PRKN: variants seen among roughly 807,000 people sequenced by gnomAD.
The protein encoded by PRKN is E3 ubiquitin-protein ligase parkin.
Under a neutral mutation model 59.5 loss-of-function variants are expected in PRKN, and 56 were observed. The ratio of observed to expected loss-of-function variants is 0.94; its 90% confidence interval spans 0.76 to 1.18. PRKN has a LOEUF of 1.18. Among genes scored for constraint, PRKN ranks in the 50% most tolerant of loss-of-function variants. The pLI, the probability that PRKN is intolerant of heterozygous loss-of-function variation, is 0.00. For missense variants in PRKN, 657 were observed against 596.4 expected (o/e 1.10, Z -1.06); for synonymous variants, 250 against 222.1 (o/e 1.13, Z -1.12).
intron 1 of PRKN, among the ~76,000 whole-genome samples, chr6:162,452,323 T>G (rs1454223793): frequency 6.6e-6 from 1 of 152,092 alleles, no homozygotes; most frequent in Non-Finnish European, 1.5e-5. Context: ...AAAAGCATCA[T>G]AAGTGCTAAA....
chr6:161,659,543 C>T (rs1440375621), intron 7 of PRKN, among the ~76,000 whole-genome samples: 1 of 152,012 alleles, frequency 6.6e-6, no homozygotes, highest in Non-Finnish European at 1.5e-5. Flanking sequence ...GCAGATAAGG[C>T]CAGGGGCTAT....
At chr6:161,963,524 G>T (rs187423965) in intron 6 of PRKN, among the ~76,000 whole-genome samples, 1 of 152,190 alleles carries the variant, frequency 6.6e-6, no homozygotes, top group Non-Finnish European at 1.5e-5. Context: ...CTATGCTTTC[G>T]TAAGTAACTG....
intron 7 of PRKN, among the ~76,000 whole-genome samples, chr6:161,670,676 C>T (rs1166355697): frequency 2.6e-5 from 4 of 152,236 alleles, no homozygotes; most frequent in South Asian, 2.1e-4. Flanking sequence ...ATTAGCCGGG[C>T]GTGGTGGCGG....
chr6:162,274,180 A>ATTTATTTATTT (rs1562631892), intron 2 of PRKN, among the ~76,000 whole-genome samples: 1 of 151,226 alleles, frequency 6.6e-6, no homozygotes, highest in African/African-American at 2.4e-5. Flanking sequence ...TTAATTTATT[A>ATTTATTTATTT]ATGTATTTAT....
intron 7 of PRKN, among the ~76,000 whole-genome samples, chr6:161,726,405 T>A (rs1787442013): frequency 6.6e-6 from 1 of 152,190 alleles, no homozygotes; most frequent in African/African-American, 2.4e-5. Context: ...GTAACCTATG[T>A]CGTGAAAGCA....
chr6:162,399,532 C>T (rs1018897334), intron 2 of PRKN, among the ~76,000 whole-genome samples: 11 of 152,244 alleles, frequency 7.2e-5, no homozygotes, highest in Admixed American at 7.2e-4. Context: ...TTGAATAACA[C>T]ATACACACAC....
intron 1 of PRKN, among the ~76,000 whole-genome samples, chr6:162,501,519 T>TA: frequency 6.6e-6 from 1 of 151,168 alleles, no homozygotes; most frequent in African/African-American, 2.4e-5. Context: ...GGTTAATTTT[T>TA]TTTTTTTTTT....
At chr6:162,138,934 A>G (rs2128310221) in intron 4 of PRKN, among the ~76,000 whole-genome samples, 1 of 152,294 alleles carries the variant, frequency 6.6e-6, no homozygotes, top group South Asian at 2.1e-4. Context: ...CTGCCCATCC[A>G]AGCAAGGAAA....
chr6:161,564,866 G>A (rs534965526), intron 8 of PRKN, among the ~76,000 whole-genome samples: 1 of 152,272 alleles, frequency 6.6e-6, no homozygotes, highest in South Asian at 2.1e-4. Flanking sequence ...TCCTCCATCT[G>A]AAATCAGACA....
At chr6:161,437,509 G>A (rs1019169599) in intron 9 of PRKN, among the ~76,000 whole-genome samples, 2 of 152,184 alleles carry the variant, frequency 1.3e-5, no homozygotes, top group Non-Finnish European at 2.9e-5. Context: ...GATAAGCGGG[G>A]ACTCCTGTAT....
intron 1 of PRKN, among the ~76,000 whole-genome samples, chr6:162,688,660 G>A (rs1450538438): frequency 6.6e-6 from 1 of 152,102 alleles, no homozygotes; most frequent in Non-Finnish European, 1.5e-5. Flanking sequence ...ACATTTCAAC[G>A]TGGCTACAAC....
At chr6:161,765,615 A>G (rs1372292490) in intron 7 of PRKN, among the ~76,000 whole-genome samples, 4 of 152,136 alleles carry the variant, frequency 2.6e-5, no homozygotes, top group African/African-American at 2.4e-5. Context: ...ACAACACCCA[A>G]TTCTTGAAAC....
chr6:161,946,414 A>ACACACACACACACACTCT lies in PRKN; in HGVS notation c.734+26887_734+26888insAGAGTGTGTGTGTGTGTG, dbSNP rs1247187053. On this transcript the variant is annotated intron_variant, in intron 6 of 11. Transcript: ENST00000366898. ...CACACACACACACACACACACACACACTCTCTCTCTCTCTCTCTCTCTCTC... is the reference window on the plus strand; with the variant it reads ...CACACACACACACACACACACACACACACACACACACACACTCTCTCTCTCTCTCTCTCTCTCTCTCTC... Among the ~76,000 whole-genome samples, 328 of 114,406 alleles carry ACACACACACACACACTCT rather than the reference A, an allele frequency of 2.9e-3. 6 individuals carry two copies. Among genetic ancestry groups the ACACACACACACACACTCT allele is most frequent in the Admixed American group, 0.011 (123 of 11,164 alleles). The allele number at this position is 114,406 out of a possible 152,430, so 75.1% of individuals were successfully genotyped here.
intron 2 of PRKN, among the ~76,000 whole-genome samples, chr6:162,364,664 C>A (rs1269831340): frequency 6.6e-6 from 1 of 152,090 alleles, no homozygotes; most frequent in Non-Finnish European, 1.5e-5. Flanking sequence ...ATTATCTTAA[C>A]ATGCGGCGAG....
At chr6:162,653,998 A>G (rs908487516) in intron 1 of PRKN, among the ~76,000 whole-genome samples, 3 of 151,518 alleles carry the variant, frequency 2.0e-5, no homozygotes, top group Non-Finnish European at 4.4e-5. Context: ...TTGAAGGCAG[A>G]GAGGACTTTA....
chr6:161,777,275 C>T (rs552174528), intron 7 of PRKN, among the ~76,000 whole-genome samples: 22 of 152,222 alleles, frequency 1.4e-4, no homozygotes, highest in African/African-American at 5.1e-4. Flanking sequence ...ATTTCATATC[C>T]TACCCTTAGA....
intron 4 of PRKN, among the ~76,000 whole-genome samples, chr6:162,123,132 C>T (rs553380654): frequency 6.6e-6 from 1 of 152,000 alleles, no homozygotes; most frequent in South Asian, 2.1e-4. Context: ...TAGGGAAAAA[C>T]TGAATTGCTA....
rs1242500814 is a variant in PRKN at position 162,035,607 on chromosome 6, G to A, written c.618+18484C>T. ...AAATTAATCTGTGTGACTAGTAAAA[G>A]AAAATGTGACAGCAATTTGGAGAAT... On this transcript the variant is annotated intron_variant, in intron 5 of 11. Transcript: ENST00000366898. Among the ~76,000 whole-genome samples, 7 of 152,198 alleles carry A rather than the reference G, an allele frequency of 4.6e-5. No homozygotes were observed. In the South Asian group the frequency reaches 1.5e-3, roughly 32 times the overall value.
At chr6:162,109,817 T>C (rs189687126) in intron 4 of PRKN, among the ~76,000 whole-genome samples, 3 of 152,330 alleles carry the variant, frequency 2.0e-5, no homozygotes, top group African/African-American at 2.4e-5. Context: ...TGTTTATGAG[T>C]CAAACTGTTT....
Sources: gnomAD v4.1 joint callset for allele counts (sites outside exome capture counted in the v4.1 genomes callset) on GRCh38, gnomAD v4.1.1 for gene constraint, MANE v1.5 for transcripts, NCBI Gene and HGNC (gene_info 2026-07-23, HGNC 2026-07-21) for gene names.